GPR158: variants seen among roughly 807,000 people sequenced by gnomAD.
The protein encoded by GPR158 is G protein-coupled receptor 158.
A neutral mutation model predicts 78.2 loss-of-function variants in GPR158; 30 were observed. The ratio of observed to expected loss-of-function variants is 0.38; its 90% CI spans 0.29 to 0.52. GPR158 has a LOEUF of 0.52. Ranked by LOEUF, GPR158 falls within the 20% of genes least tolerant of loss-of-function variation. The probability of loss-of-function intolerance (pLI) is 0.83; values close to 1 mark genes in which losing one functional copy is unlikely to be tolerated. For missense variants in GPR158, 1,463 were observed against 1,523.5 expected (o/e 0.96, Z 0.66); for synonymous variants, 581 against 591.1 (o/e 0.98, Z 0.25).
chr10:25,211,154 C>T (rs1024221971), intron 1 of GPR158, among the ~76,000 whole-genome samples: 1 of 149,160 alleles, frequency 6.7e-6, no homozygotes, highest in Admixed American at 6.7e-5. Flanking sequence ...AAAAAAAAAA[C>T]AGAATTTTAA....
chr10:25,463,713 G>A (rs987409947), intron 4 of GPR158, among the ~76,000 whole-genome samples: 5 of 150,222 alleles, frequency 3.3e-5, no homozygotes, highest in South Asian at 2.1e-4. Flanking sequence ...TTCAACCACC[G>A]CCCCCACCCC....
chr10:25,568,215 C>T (rs974042355), intron 6 of GPR158, among the ~76,000 whole-genome samples: 2 of 152,064 alleles, frequency 1.3e-5, no homozygotes, highest in East Asian at 3.9e-4. Flanking sequence ...GGAGAGTGAT[C>T]TGAACTGGAG....
intron 6 of GPR158, 88 bp from the exon 7 acceptor site, chr10:25,572,561 T>C: frequency 2.2e-6 from 2 of 903,650 alleles, no homozygotes; most frequent in Non-Finnish European, 3.6e-6. Flanking sequence ...TTGGTGGGTT[T>C]ACATTTTACC....
intron 5 of GPR158, among the ~76,000 whole-genome samples, chr10:25,535,627 G>A (rs12263038): frequency 0.015 from 2,240 of 152,294 alleles, 56 homozygotes; most frequent in African/African-American, 0.051. Flanking sequence ...TGTGAGATAA[G>A]AAATGAGTAT....
chr10:25,399,736 C>T (rs1027199474), intron 3 of GPR158, among the ~76,000 whole-genome samples: 1 of 152,120 alleles, frequency 6.6e-6, no homozygotes, highest in East Asian at 1.9e-4. Context: ...TGTAACTCAC[C>T]GGGGTCATCA....
intron 2 of GPR158, among the ~76,000 whole-genome samples, chr10:25,292,752 C>T (rs1854458331): frequency 6.6e-6 from 1 of 152,152 alleles, no homozygotes; most frequent in Non-Finnish European, 1.5e-5. Context: ...CCCACATACA[C>T]ACACACATTT....
At position 25,600,164 on chromosome 10, in the gene GPR158, G is replaced by A. The variant is rs1197005951; in HGVS notation, c.*890G>A. 1 of 152,516 alleles carries A rather than the reference G, an allele frequency of 6.6e-6. No individual in the cohort carries two copies. The highest frequency in any genetic ancestry group is 1.5e-5 in the Non-Finnish European group (1 of 68,026). 9.4% of individuals were successfully genotyped at this position (152,516 alleles called of 1,614,324 possible). ...GGACTCAGAAGCTTTATTAATATTGGAGATCAAGTGGTCCTACTTAGTCAT... is the reference window on the plus strand; with the variant it reads ...GGACTCAGAAGCTTTATTAATATTGAAGATCAAGTGGTCCTACTTAGTCAT... On this transcript the variant is annotated 3_prime_UTR_variant, in exon 11 of 11. Coordinates refer to ENST00000376351, the MANE Select transcript of GPR158 (RefSeq NM_020752.3).
intron 4 of GPR158, among the ~76,000 whole-genome samples, chr10:25,419,766 T>G (rs1834721140): frequency 6.6e-6 from 1 of 152,182 alleles, no homozygotes; most frequent in Admixed American, 6.5e-5. Context: ...TAGTGACAGT[T>G]GAACATCTTT....
At chr10:25,301,173 G>A (rs1390613350) in intron 2 of GPR158, among the ~76,000 whole-genome samples, 2 of 152,110 alleles carry the variant, frequency 1.3e-5, no homozygotes, top group African/African-American at 4.8e-5. Flanking sequence ...TCTATGAAAG[G>A]GAGAGTTGGC....
chr10:25,531,939 C>T (rs1306300243), intron 5 of GPR158, among the ~76,000 whole-genome samples: 1 of 152,116 alleles, frequency 6.6e-6, no homozygotes, highest in East Asian at 1.9e-4. Flanking sequence ...CATGATACCA[C>T]TCTGCTCCTC....
chr10:25,185,293 C>T (rs1412650570), intron 1 of GPR158, among the ~76,000 whole-genome samples: 2 of 152,138 alleles, frequency 1.3e-5, no homozygotes, highest in Admixed American at 6.5e-5. Flanking sequence ...TGTCAGATTA[C>T]ATGTCTATTT....
chr10:25,213,028 C>G (rs191559747), intron 1 of GPR158, among the ~76,000 whole-genome samples: 14 of 152,208 alleles, frequency 9.2e-5, no homozygotes, highest in Non-Finnish European at 8.8e-5. Context: ...GTTCTTTGAT[C>G]TGGTATCCAG....
At chr10:25,338,605 TATA>T (rs1855259903) in intron 2 of GPR158, among the ~76,000 whole-genome samples, 2 of 146,352 alleles carry the variant, frequency 1.4e-5, no homozygotes, top group African/African-American at 4.9e-5. Flanking sequence ...TATTATTATA[TATA>T]AAAAATCATA....
At chr10:25,216,856 A>G (rs1853223202) in intron 1 of GPR158, among the ~76,000 whole-genome samples, 1 of 152,152 alleles carries the variant, frequency 6.6e-6, no homozygotes, top group South Asian at 2.1e-4. Flanking sequence ...TTAGGGCCCT[A>G]AATGTAGTTC....
intron 5 of GPR158, among the ~76,000 whole-genome samples, chr10:25,501,471 A>G (rs779663630): frequency 2.6e-5 from 4 of 152,148 alleles, no homozygotes; most frequent in Non-Finnish European, 5.9e-5. Context: ...CTAACTTACA[A>G]TTTGCACTAA....
chr10:25,472,035 C>T (rs1309522116), intron 5 of GPR158, among the ~76,000 whole-genome samples: 1 of 152,116 alleles, frequency 6.6e-6, no homozygotes, highest in Non-Finnish European at 1.5e-5. Flanking sequence ...GAAGTCCTTG[C>T]CCATGCCTAT....
intron 2 of GPR158, among the ~76,000 whole-genome samples, chr10:25,241,338 TTTCTC>T (rs1285935336): frequency 1.8e-5 from 2 of 110,858 alleles, no homozygotes; most frequent in African/African-American, 8.1e-5. Context: ...TCTCTTCTCT[TTTCTC>T]TTTTCTCTTT....
In GPR158 at chr10:25,258,119, C is replaced by A. The variant is rs539356524; in HGVS notation, c.1008+36962C>A. Among the ~76,000 whole-genome samples the A allele has an allele frequency of 8.7e-3, 1,330 of 152,232 alleles. 48 individuals are homozygous for A. Among genetic ancestry groups the A allele is most frequent in the Admixed American group, 0.058 (881 of 15,290 alleles). Reference sequence around the variant, plus strand: ...CTACCAGATAACTTCACTTTGTGCCCAGAGTCAAAGGGAAACATGTAAGCC... The same window carrying A: ...CTACCAGATAACTTCACTTTGTGCCAAGAGTCAAAGGGAAACATGTAAGCC... On this transcript the variant is annotated intron_variant, in intron 2 of 10. Coordinates refer to ENST00000376351, the MANE Select transcript of GPR158 (RefSeq NM_020752.3).
At position 25,572,847 on chromosome 10, in the gene GPR158, T is replaced by A. The variant is rs1158372785; in HGVS notation, c.1713T>A (p.Asn571Lys). Residue 571 changes from asparagine to lysine, a missense_variant, in exon 7 of 11, where the codon AAT becomes AAA. Coordinates refer to ENST00000376351, the MANE Select transcript of GPR158 (RefSeq NM_020752.3). ...AAACATCCGATCACCTCATCTTCAA[T>A]ATGTGCCTCATTGACCGCTGGGACT... ...QGKTSDHLIF[N>K]MCLIDRWDYM... is the part of the protein sequence containing the mutation. 10 of 1,613,016 alleles carry A rather than the reference T, an allele frequency of 6.2e-6. No individual in the cohort carries two copies. The highest frequency in any genetic ancestry group is 8.5e-6 in the Non-Finnish European group (10 of 1,178,974).
Sources: gnomAD v4.1 joint callset for allele counts (sites outside exome capture counted in the v4.1 genomes callset) on GRCh38, gnomAD v4.1.1 for gene constraint, MANE v1.5 for transcripts, NCBI Gene and HGNC (gene_info 2026-07-23, HGNC 2026-07-21) for gene names.